COX6A1: variants seen among roughly 807,000 people sequenced by gnomAD.
COX6A1 encodes the protein cytochrome c oxidase subunit 6A1, also known as cytochrome c oxidase subunit 6A1, mitochondrial.
COX6A1 carries 10 observed loss-of-function variants against 11.3 expected under a neutral mutation model. The observed-to-expected ratio is 0.88, with a 90% CI of 0.54 to 1.50. COX6A1 has a LOEUF of 1.50. Among genes scored for constraint, COX6A1 ranks in the 40% most tolerant of loss-of-function variants. The pLI, the probability that COX6A1 is intolerant of heterozygous loss-of-function variation, is 0.00. For missense variants in COX6A1, 149 were observed against 147.6 expected (o/e 1.01, Z -0.05); for synonymous variants, 81 against 60.6 (o/e 1.34, Z -1.57).
At position 120,438,411 on chromosome 12, in the gene COX6A1, G is replaced by C. The variant is rs761593677; in HGVS notation, c.136G>C (p.Ala46Pro). Residue 46 changes from alanine to proline, a missense_variant, in exon 2 of 3, where the codon GCG becomes CCG. By Grantham distance (27) the Ala-to-Pro change is conservative. Coordinates refer to ENST00000229379, the MANE Select transcript of COX6A1 (RefSeq NM_004373.4). ...RMWKTLTFFV[A>P]LPGVAVSMLN... ...GTGGAAGACTCTCACCTTCTTCGTC[G>C]CGCTCCCCGGGGTGGCAGTCAGCAT... 4.3e-6 allele frequency: 7 copies of C among 1,614,040 alleles called. No individual in the cohort carries two copies. The South Asian group carries it at 6.6e-5, about 15-fold the overall frequency.
At position 120,438,504 on chromosome 12, in the gene COX6A1, C is replaced by T; in HGVS notation, c.229C>T (p.Leu77Phe). The change falls in exon 2 of 3, where the codon CTC (leucine) becomes TTC (phenylalanine). Residue 77 changes from leucine (L) to phenylalanine (F), a missense_variant. Physicochemically the swap from Leu to Phe is conservative, Grantham distance 22. Transcript: ENST00000229379. ...ERPEFIAYPH[L>F]RIRTKPFPWG... ...ACCCGAGTTCATCGCCTACCCCCAT[C>T]TCCGCATCAGGACCAAGGTACGCCC... 3 of 1,614,236 alleles carry T rather than the reference C, an allele frequency of 1.9e-6. No homozygotes were observed. The highest frequency in any genetic ancestry group is 2.5e-6 in the Non-Finnish European group (3 of 1,180,040).
chr12:120,440,464 G>A lies in COX6A1; in HGVS notation c.257G>A (p.Trp86Ter), dbSNP rs1393735961. The A allele has an allele frequency of 1.2e-6, 2 of 1,612,300 alleles. No homozygotes were observed. The highest frequency in any genetic ancestry group is 1.7e-6 in the Non-Finnish European group (2 of 1,178,514). Residue 86 changes from tryptophan (W) to a stop codon, truncating the protein, a stop_gained, in exon 3 of 3, where the codon TGG becomes TAG. Transcript: ENST00000229379. LOFTEE classifies it high-confidence loss of function. Reference protein sequence around the residue: ...HLRIRTKPFPWGDGNHTLFHN... With the variant: ...HLRIRTKPFP ...ATCTTCACTCCACAGCCGTTTCCCTGGGGAGATGGTAACCATACTCTATTC... is the reference window on the plus strand; with the variant it reads ...ATCTTCACTCCACAGCCGTTTCCCTAGGGAGATGGTAACCATACTCTATTC...
chr12:120,438,751 C>A, intron 2 of COX6A1: 2 of 480,238 alleles, frequency 4.2e-6, no homozygotes, highest in Non-Finnish European at 7.4e-6. Context: ...TTTCCCTTTT[C>A]TCCGATTCAT....
chr12:120,438,265 C>T (rs761775822), intron 1 of COX6A1, 36 bp downstream of exon 1: 43 of 1,612,222 alleles, frequency 2.7e-5, no homozygotes, highest in Non-Finnish European at 3.6e-5. Flanking sequence ...GAGCCTCAGC[C>T]CCACTCGGGC....
At chr12:120,438,258 C>T in intron 1 of COX6A1, 29 bp downstream of exon 1, 1 of 1,612,276 alleles carries the variant, frequency 6.2e-7, no homozygotes, top group Non-Finnish European at 8.5e-7. Flanking sequence ...ACGGGTCGAG[C>T]CTCAGCCCCA....
chr12:120,439,787 G>A (rs937861115), intron 2 of COX6A1, among the ~76,000 whole-genome samples: 2 of 152,052 alleles, frequency 1.3e-5, no homozygotes. Context: ...ATTCTTGTTG[G>A]GGGGCTATCT....
intron 2 of COX6A1, among the ~76,000 whole-genome samples, chr12:120,439,532 CA>C (rs1038018444): frequency 3.4e-5 from 5 of 148,918 alleles, no homozygotes; most frequent in South Asian, 2.1e-4. Flanking sequence ...AACTCCGTCT[CA>C]AAAAAAAATA....
rs373513642 is a variant in COX6A1, at chr12:120,438,173, C to T, written c.47C>T (p.Ser16Phe). The T allele has an allele frequency of 5.6e-6, 9 of 1,613,744 alleles. No homozygotes were observed. In the African/African-American group the frequency reaches 1.1e-4, roughly 19 times the overall value. Reference sequence around the variant, plus strand: ...TCGGTTTCTCGGCTGCTGGGTCGGTCCCGCCCACAGCTGGGGCGGCCTATG... The same window carrying T: ...TCGGTTTCTCGGCTGCTGGGTCGGTTCCGCCCACAGCTGGGGCGGCCTATG... ...VSSVSRLLGR[S>F]RPQLGRPMSS... Residue 16 changes from serine (S) to phenylalanine (F), a missense_variant, in exon 1 of 3, where the codon TCC (serine) becomes TTC (phenylalanine). Ser to Phe is a radical substitution (Grantham distance 155). Coordinates refer to ENST00000229379, the MANE Select transcript of COX6A1 (RefSeq NM_004373.4).
rs1877699388 is a variant in COX6A1, at chr12:120,440,573, A to G, written c.*36A>G. The G allele has an allele frequency of 4.8e-6, 7 of 1,470,278 alleles. No homozygotes were observed. The highest frequency in any genetic ancestry group is 5.7e-6 in the Non-Finnish European group (6 of 1,049,548). 91.1% of individuals were successfully genotyped at this position (1,470,278 alleles called of 1,614,324 possible). On this transcript the variant is annotated 3_prime_UTR_variant, in exon 3 of 3. Transcript: ENST00000229379. ...GACCACTACCCGGGCACCAGGGACCACAGCACTGGTTTGGACCGTTACTCT... is the reference window on the plus strand; with the variant it reads ...GACCACTACCCGGGCACCAGGGACCGCAGCACTGGTTTGGACCGTTACTCT...
chr12:120,438,428 A>G lies in COX6A1; in HGVS notation c.153A>G (p.Ala51=), dbSNP rs1420295103. Residue 51 remains alanine (A), a synonymous_variant, in exon 2 of 3, where the codon GCA becomes GCG. Coordinates refer to ENST00000229379, the MANE Select transcript of COX6A1 (RefSeq NM_004373.4). The part of the protein sequence containing the change: ...LTFFVALPGV[A]VSMLNVYLKS... ...TCTTCGTCGCGCTCCCCGGGGTGGC[A>G]GTCAGCATGCTGAATGTGTACCTGA... 7 of 1,614,060 alleles carry G rather than the reference A, an allele frequency of 4.3e-6. No homozygotes were observed. The East Asian group carries it at 6.7e-5, about 15-fold the overall frequency.
At chr12:120,439,387 C>T (rs1472806957) in intron 2 of COX6A1, among the ~76,000 whole-genome samples, 3 of 151,960 alleles carry the variant, frequency 2.0e-5, no homozygotes, top group East Asian at 1.9e-4. Context: ...AGTAGCCGGG[C>T]GTGGTGGCGG....
intron 2 of COX6A1, 131 bp downstream of exon 2, chr12:120,438,652 T>A: frequency 7.7e-7 from 1 of 1,292,900 alleles, no homozygotes; most frequent in Non-Finnish European, 1.1e-6. Context: ...ACAGAAAATG[T>A]ATTTTCTTCC....
intron 1 of COX6A1, 45 bp from the exon 2 acceptor site, chr12:120,438,334 G>C (rs764698389): frequency 6.2e-7 from 1 of 1,613,952 alleles, no homozygotes; most frequent in African/African-American, 1.3e-5. Context: ...AGTGAGACCC[G>C]GGCCCGCCCC....
In COX6A1 at chr12:120,438,138, T is replaced by G; in HGVS notation, c.12T>G (p.Val4=). Residue 4 remains valine (V), a synonymous_variant, in exon 1 of 3, where the codon GTT becomes GTG. Coordinates refer to ENST00000229379, the MANE Select transcript of COX6A1 (RefSeq NM_004373.4). ...AGTCCAGATCAAAAATGGCGGTAGT[T>G]GGTGTGTCCTCGGTTTCTCGGCTGC... MAV[V]GVSSVSRLLG... The G allele has an allele frequency of 6.2e-7, 1 of 1,613,396 alleles. No homozygotes were observed. The highest frequency in any genetic ancestry group is 8.5e-7 in the Non-Finnish European group (1 of 1,179,852).
At chr12:120,440,256 C>G in intron 2 of COX6A1, 198 bp from the exon 3 acceptor site, 1 of 501,446 alleles carries the variant, frequency 2.0e-6, no homozygotes, top group East Asian at 3.4e-5. Context: ...TGTCCTGTAG[C>G]CAGGATAACT....
chr12:120,439,060 A>T (rs1441838080), intron 2 of COX6A1, among the ~76,000 whole-genome samples: 1 of 152,090 alleles, frequency 6.6e-6, no homozygotes, highest in Non-Finnish European at 1.5e-5. Flanking sequence ...AAACAGCAAC[A>T]ACAAAACATG....
At position 120,438,209 on chromosome 12, in the gene COX6A1, C is replaced by T. The variant is rs1877618671; in HGVS notation, c.83C>T (p.Ala28Val). ...PQLGRPMSSG[A>V]HGEEGSARMW... ...CTGGGGCGGCCTATGTCGAGTGGCG[C>T]CCATGGCGAAGAGGGCTCAGGTACT... Residue 28 changes from alanine to valine, a missense_variant, in exon 1 of 3, where the codon GCC (alanine) becomes GTC (valine). Physicochemically the swap from Ala to Val is moderately conservative, Grantham distance 64. Transcript: ENST00000229379. The T allele has an allele frequency of 1.9e-6, 3 of 1,613,874 alleles. No homozygotes were observed. The highest frequency in any genetic ancestry group is 8.5e-7 in the Non-Finnish European group (1 of 1,179,954).
At chr12:120,439,975 T>G (rs1877684635) in intron 2 of COX6A1, 1 of 145,912 alleles carries the variant, frequency 6.9e-6, no homozygotes, top group African/African-American at 2.6e-5. Flanking sequence ...TGCCCTAAAG[T>G]AATGCTTTTC....
intron 2 of COX6A1, chr12:120,438,755 G>T: frequency 2.4e-6 from 1 of 424,450 alleles, no homozygotes; most frequent in Non-Finnish European, 4.2e-6. Flanking sequence ...CCTTTTCTCC[G>T]ATTCATCCTA....
Sources: gnomAD v4.1 joint callset for allele counts (sites outside exome capture counted in the v4.1 genomes callset) on GRCh38, gnomAD v4.1.1 for gene constraint, MANE v1.5 for transcripts, NCBI Gene and HGNC (gene_info 2026-07-23, HGNC 2026-07-21) for gene names.